The following TMEM178B variants were observed in gnomAD, a reference collection of about 807,000 sequenced individuals.
The protein encoded by TMEM178B is transmembrane protein 178B.
Under a neutral mutation model 31.0 loss-of-function variants are expected in TMEM178B, and 5 were observed. The observed-to-expected ratio is 0.16, with a 90% CI of 0.08 to 0.34. The LOEUF (loss-of-function observed/expected upper bound fraction) is 0.34. Ranked by LOEUF, TMEM178B falls within the 10% of genes least tolerant of loss-of-function variation. TMEM178B has a pLI of 1.00. For synonymous variants in TMEM178B, 164 were observed against 164.0 expected (o/e 1.00, Z 0.00); for missense variants, 275 against 400.3 (o/e 0.69, Z 2.67).
At chr7:141,204,446 C>T (rs534977395) in intron 1 of TMEM178B, among the ~76,000 whole-genome samples, 11 of 152,294 alleles carry the variant, frequency 7.2e-5, no homozygotes, top group African/African-American at 2.6e-4. Flanking sequence ...CTGCTGGGTG[C>T]TTGCTGTGGG....
intron 2 of TMEM178B, among the ~76,000 whole-genome samples, chr7:141,396,154 G>C (rs2116612025): frequency 6.6e-6 from 1 of 152,214 alleles, no homozygotes; most frequent in African/African-American, 2.4e-5. Flanking sequence ...CAGGGTTGGG[G>C]GTGGCCATGC....
chr7:141,246,356 A>G (rs1797729739), intron 2 of TMEM178B, among the ~76,000 whole-genome samples: 1 of 152,206 alleles, frequency 6.6e-6, no homozygotes, highest in Non-Finnish European at 1.5e-5. Context: ...AAATCTTTTC[A>G]TTCATGATTT....
At chr7:141,499,658 C>A in the TMEM178B span, among the ~76,000 whole-genome samples, 531 of 151,842 alleles carry the variant, frequency 3.5e-3, 2 homozygotes, top group African/African-American at 9.8e-3. Context: ...AACAAAAAAA[C>A]CCCACAAAAG....
chr7:141,230,437 T>C (rs1797422829), intron 2 of TMEM178B, among the ~76,000 whole-genome samples: 1 of 152,208 alleles, frequency 6.6e-6, no homozygotes, highest in African/African-American at 2.4e-5. Flanking sequence ...ATTTAAGAAA[T>C]GGTTATCAGC....
intron 1 of TMEM178B, among the ~76,000 whole-genome samples, chr7:141,112,470 T>G (rs1795249474): frequency 1.3e-5 from 2 of 152,128 alleles, no homozygotes. Context: ...CTCAGGTTGG[T>G]CTCAAACTTG....
intron 1 of TMEM178B, among the ~76,000 whole-genome samples, chr7:141,161,810 G>A (rs117234308): frequency 1.2e-3 from 182 of 152,028 alleles, no homozygotes; most frequent in East Asian, 6.9e-3. Flanking sequence ...GTGTGTATGA[G>A]AGTTTGTGAG....
chr7:141,335,279 A>C (rs1799364988), intron 2 of TMEM178B, among the ~76,000 whole-genome samples: 1 of 152,142 alleles, frequency 6.6e-6, no homozygotes, highest in Non-Finnish European at 1.5e-5. Flanking sequence ...CTCCTCCAAG[A>C]GAGTTCCTGA....
chr7:141,499,577 T>C, the TMEM178B span, among the ~76,000 whole-genome samples: 2 of 152,008 alleles, frequency 1.3e-5, no homozygotes, highest in South Asian at 4.2e-4. Flanking sequence ...AGGTCGAGGC[T>C]TCAGTGAGCC....
chr7:141,123,115 C>A (rs1795435865), intron 1 of TMEM178B, among the ~76,000 whole-genome samples: 1 of 152,234 alleles, frequency 6.6e-6, no homozygotes, highest in Non-Finnish European at 1.5e-5. Context: ...GAGTGTCCTG[C>A]ATGTTGCCTT....
intron 1 of TMEM178B, among the ~76,000 whole-genome samples, chr7:141,160,525 C>T (rs6952349): frequency 0.73 from 110,326 of 152,082 alleles, 40,671 homozygotes; most frequent in African/African-American, 0.84. Context: ...TAGGATGGAT[C>T]ACGTTGCTCT....
At chr7:141,190,786 AT>A (rs1403714123) in intron 1 of TMEM178B, among the ~76,000 whole-genome samples, 1 of 152,086 alleles carries the variant, frequency 6.6e-6, no homozygotes, top group African/African-American at 2.4e-5. Context: ...TTTCCCTCTC[AT>A]TTTCGCAAAC....
At chr7:141,387,667 G>A (rs1041220017) in intron 2 of TMEM178B, among the ~76,000 whole-genome samples, 1 of 152,108 alleles carries the variant, frequency 6.6e-6, no homozygotes, top group South Asian at 2.1e-4. Context: ...CAGCCTTCTC[G>A]TATCTGCGCA....
chr7:141,092,525 A>G (rs1272267591), intron 1 of TMEM178B, among the ~76,000 whole-genome samples: 1 of 152,144 alleles, frequency 6.6e-6, no homozygotes, highest in Non-Finnish European at 1.5e-5. Context: ...CTCCTTCATG[A>G]TGCATGGGTA....
chr7:141,308,741 A>T (rs1297916689), intron 2 of TMEM178B, among the ~76,000 whole-genome samples: 1 of 152,182 alleles, frequency 6.6e-6, no homozygotes, highest in African/African-American at 2.4e-5. Context: ...TCTTGTTTTA[A>T]AGATGACAAA....
chr7:141,295,692 TTC>T (rs1798619609), intron 2 of TMEM178B, among the ~76,000 whole-genome samples: 1 of 152,028 alleles, frequency 6.6e-6, no homozygotes, highest in South Asian at 2.1e-4. Context: ...CCTCTGCTCA[TTC>T]ACTTTATCTT....
At chr7:141,449,070 G>T (rs1284077546) in intron 3 of TMEM178B, among the ~76,000 whole-genome samples, 1 of 152,138 alleles carries the variant, frequency 6.6e-6, no homozygotes, top group Non-Finnish European at 1.5e-5. Context: ...CACAGTGCTG[G>T]ATTGCTATGG....
At chr7:141,308,334 C>T (rs1223455174) in intron 2 of TMEM178B, among the ~76,000 whole-genome samples, 1 of 152,170 alleles carries the variant, frequency 6.6e-6, no homozygotes, top group East Asian at 1.9e-4. Flanking sequence ...CTGTGGGAAA[C>T]ATTGGAAATG....
rs182513462 is a variant in TMEM178B at position 141,430,323 on chromosome 7, A to G, written c.497-7285A>G. The G allele has an allele frequency of 2.6e-5, 4 of 152,356 alleles. No individual in the cohort carries two copies. In the East Asian group the frequency reaches 7.7e-4, roughly 29 times the overall value. The allele number at this position is 152,356 out of a possible 1,614,324, so 9.4% of individuals were successfully genotyped here. On this transcript the variant is annotated intron_variant, in intron 2 of 3. Coordinates refer to ENST00000565468, the MANE Select transcript of TMEM178B (RefSeq NM_001195278.2). ...GTATGGCAAATTCGGGGGATGTAGC[A>G]GTACATGAAAAAATGAGAATTGCTT... is the stretch of plus-strand genomic sequence containing the variant.
chr7:141,354,477 A>G (rs1212268572), intron 2 of TMEM178B, among the ~76,000 whole-genome samples: 2 of 152,130 alleles, frequency 1.3e-5, no homozygotes, highest in Non-Finnish European at 2.9e-5. Context: ...GAAGCAGCTT[A>G]CTCACTCCAG....
Sources: allele counts gnomAD v4.1 joint callset (sites outside exome capture counted in the v4.1 genomes callset), GRCh38; gene constraint gnomAD v4.1.1; transcripts MANE v1.5; gene names NCBI Gene and HGNC (gene_info 2026-07-23, HGNC 2026-07-21).